The following FNIP1 variants were observed in gnomAD, a reference collection of about 807,000 sequenced individuals.
FNIP1 encodes the protein folliculin interacting protein 1.
Under a neutral mutation model 124.5 loss-of-function variants are expected in FNIP1, and 40 were observed. The observed-to-expected ratio is 0.32, with a 90% confidence interval of 0.25 to 0.42. The LOEUF is 0.42. Ranked by LOEUF, FNIP1 falls within the 10% of genes least tolerant of loss-of-function variation. FNIP1 has a pLI of 1.00. For missense variants in FNIP1, 1,176 were observed against 1,403.7 expected, an observed-to-expected ratio of 0.84 and a Z score of 2.59; for synonymous variants, 472 against 470.6, an observed-to-expected ratio of 1.00 and a Z score of -0.04.
At chr5:131,699,721 G>T (rs545653213) in intron 10 of FNIP1, among the ~76,000 whole-genome samples, 181 of 151,304 alleles carry the variant, frequency 1.2e-3, no homozygotes, top group African/African-American at 4.3e-3. Context: ...AATTTGCCCA[G>T]CCTGGCCAAC....
chr5:131,775,053 G>A (rs1771756545), intron 1 of FNIP1, among the ~76,000 whole-genome samples: 1 of 152,214 alleles, frequency 6.6e-6, no homozygotes, highest in Non-Finnish European at 1.5e-5. Context: ...ATCCAAGCAA[G>A]TTGCCAGTTT....
intron 8 of FNIP1, among the ~76,000 whole-genome samples, chr5:131,706,889 G>A (rs1045279130): frequency 1.3e-5 from 2 of 152,168 alleles, no homozygotes; most frequent in African/African-American, 2.4e-5. Context: ...TAAATTAAAG[G>A]AAATCTGATG....
chr5:131,671,437 G>A (rs1371455364), intron 14 of FNIP1, 68 bp downstream of exon 14: 35 of 1,250,954 alleles, frequency 2.8e-5, no homozygotes, highest in Non-Finnish European at 3.7e-5. Flanking sequence ...AACCTTCAGA[G>A]AACAGCTAAA....
intron 10 of FNIP1, among the ~76,000 whole-genome samples, chr5:131,700,110 A>G (rs1020470444): frequency 4.0e-5 from 6 of 151,466 alleles, no homozygotes; most frequent in Non-Finnish European, 5.9e-5. Flanking sequence ...CAGCCTCCCG[A>G]GTAGCTGGGA....
At chr5:131,685,918 C>T (rs1329842445) in intron 11 of FNIP1, among the ~76,000 whole-genome samples, 2 of 152,054 alleles carry the variant, frequency 1.3e-5, no homozygotes, top group Non-Finnish European at 2.9e-5. Flanking sequence ...GGTAGAGAAA[C>T]CACTCTAGTT....
intron 1 of FNIP1, among the ~76,000 whole-genome samples, chr5:131,766,501 T>C (rs4705895): frequency 0.58 from 87,711 of 152,106 alleles, 29,752 homozygotes; most frequent in Non-Finnish European, 0.76. Context: ...CCAAATGTCA[T>C]AGTCTAGAAG....
chr5:131,739,455 G>T (rs180788373), intron 2 of FNIP1, among the ~76,000 whole-genome samples: 3 of 152,096 alleles, frequency 2.0e-5, no homozygotes, highest in Admixed American at 6.6e-5. Flanking sequence ...ATTCCTGAAC[G>T]TATTTGGATG....
At chr5:131,657,746 A>AAC (rs1262239519) in intron 15 of FNIP1, among the ~76,000 whole-genome samples, 4 of 150,554 alleles carry the variant, frequency 2.7e-5, no homozygotes, top group Non-Finnish European at 5.9e-5. Context: ...CAAAAAAAAA[A>AAC]AAAAAAAAAA....
intron 1 of FNIP1, among the ~76,000 whole-genome samples, chr5:131,756,887 C>T (rs980996171): frequency 6.6e-6 from 1 of 152,090 alleles, no homozygotes; most frequent in South Asian, 2.1e-4. Flanking sequence ...TATTTGGGGG[C>T]CCAGCTGAGT....
intron 1 of FNIP1, chr5:131,796,358 G>C (rs1772590616): frequency 6.2e-6 from 1 of 160,878 alleles, no homozygotes; most frequent in African/African-American, 2.4e-5. Flanking sequence ...CAGAAGCTTG[G>C]CCAAACGTGC....
chr5:131,752,245 T>G (rs532986795), intron 1 of FNIP1, among the ~76,000 whole-genome samples: 1 of 152,150 alleles, frequency 6.6e-6, no homozygotes, highest in South Asian at 2.1e-4. Context: ...GGGTTTCACC[T>G]TGTTAGCCAG....
At position 131,698,991 on chromosome 5, in the gene FNIP1, C is replaced by T. The variant is rs1460512105; in HGVS notation, c.1128G>A (p.Met376Ile). Residue 376 changes from methionine to isoleucine, a missense_variant, in exon 11 of 18, where the codon ATG becomes ATA. Transcript: ENST00000510461. ...GACTGGCATCAGCTGATCTCCGGCT[C>T]ATTTTCATAGCCTTGAAAACAATCA... ...LKSAIEQAMK[M>I]SRRSADASQR... is the part of the protein sequence containing the mutation. 1 of 1,609,184 alleles carries T rather than the reference C, an allele frequency of 6.2e-7. No individual in the cohort carries two copies.
intron 15 of FNIP1, among the ~76,000 whole-genome samples, chr5:131,665,897 TA>T (rs1334189224): frequency 4.6e-5 from 6 of 130,338 alleles, no homozygotes; most frequent in African/African-American, 1.0e-4. Flanking sequence ...CCTAAAATAA[TA>T]CTTTTTTTTT....
chr5:131,727,729 G>C (rs1460566216), intron 3 of FNIP1, among the ~76,000 whole-genome samples: 2 of 152,172 alleles, frequency 1.3e-5, no homozygotes, highest in Non-Finnish European at 2.9e-5. Context: ...TATGATGCTA[G>C]CTGGTTATTT....
chr5:131,709,196 A>G lies in FNIP1; in HGVS notation c.778+5T>C. 1.2e-6 allele frequency: 2 copies of G among 1,612,910 alleles called. No individual in the cohort carries two copies. Among genetic ancestry groups the G allele is most frequent in the Non-Finnish European group, 1.7e-6 (2 of 1,179,056 alleles). The stretch of plus-strand genomic sequence containing the variant: ...AAAAAACTGAATACAAGAACGTGAC[A>G]TTACCAGACCGTGCTATGCCACTGT... On this transcript the variant is annotated splice_donor_5th_base_variant and intron_variant, in intron 8 of 17. Coordinates refer to ENST00000510461, the MANE Select transcript of FNIP1 (RefSeq NM_133372.3).
At chr5:131,764,542 C>T (rs997290266) in intron 1 of FNIP1, among the ~76,000 whole-genome samples, 8 of 151,944 alleles carry the variant, frequency 5.3e-5, no homozygotes, top group African/African-American at 1.9e-4. Flanking sequence ...TGGGCTCAAA[C>T]AGTCTGTCCA....
At chr5:131,746,335 T>C (rs1386303462) in intron 1 of FNIP1, among the ~76,000 whole-genome samples, 3 of 152,132 alleles carry the variant, frequency 2.0e-5, no homozygotes, top group Non-Finnish European at 4.4e-5. Flanking sequence ...ATATATCTCA[T>C]GATGCTGAGG....
At chr5:131,665,568 T>TA (rs891344629) in intron 15 of FNIP1, among the ~76,000 whole-genome samples, 5 of 150,222 alleles carry the variant, frequency 3.3e-5, no homozygotes, top group African/African-American at 1.2e-4. Context: ...ATGCAAGGAT[T>TA]AAAAAATATA....
intron 12 of FNIP1, among the ~76,000 whole-genome samples, chr5:131,678,447 A>G (rs1439431221): frequency 6.6e-6 from 1 of 152,072 alleles, no homozygotes; most frequent in Non-Finnish European, 1.5e-5. Context: ...TTGCTTTGTC[A>G]CCCAGGCTAC....
Sources: gnomAD v4.1 joint callset for allele counts (sites outside exome capture counted in the v4.1 genomes callset) on GRCh38, gnomAD v4.1.1 for gene constraint, MANE v1.5 for transcripts, NCBI Gene and HGNC (gene_info 2026-07-23, HGNC 2026-07-21) for gene names.